TCERG1L: variants seen among roughly 807,000 people sequenced by gnomAD.
TCERG1L encodes the protein transcription elongation regulator 1-like protein.
In TCERG1L, 37 loss-of-function variants were observed where a neutral mutation model predicts 56.3. The observed-to-expected ratio is 0.66, with a 90% confidence interval of 0.51 to 0.87. The LOEUF is 0.87. Among genes scored for constraint, TCERG1L ranks in the 40% least tolerant of loss-of-function variants. The pLI is 0.00. For missense variants in TCERG1L, 799 were observed against 774.2 expected (o/e 1.03, Z -0.38); for synonymous variants, 324 against 326.3 (o/e 0.99, Z 0.08).
At chr10:131,291,397 ATTTCTTTTTTT>A (rs1846621707) in intron 3 of TCERG1L, among the ~76,000 whole-genome samples, 3 of 60,186 alleles carry the variant, frequency 5.0e-5, no homozygotes, top group East Asian at 9.4e-4. Flanking sequence ...CATAAACAGC[ATTTCTTTTTTT>A]TTTTTTTTTT....
Position 131,295,943 on chromosome 10 carries a change from C to T in TCERG1L, c.670+12268G>A, listed in dbSNP as rs1023390956. On this transcript the variant is annotated intron_variant, in intron 3 of 11. Transcript: ENST00000368642. ...TGATGTGTCTGGTCATATATTTTGTCCATTTCTGTTGGATTTTTTTTTCTT... is the reference window on the plus strand; with the variant it reads ...TGATGTGTCTGGTCATATATTTTGTTCATTTCTGTTGGATTTTTTTTTCTT... Among the ~76,000 whole-genome samples, 20 of 152,032 alleles carry T rather than the reference C, an allele frequency of 1.3e-4. 1 individual carries two copies. The highest frequency in any genetic ancestry group is 1.4e-4 in the African/African-American group (6 of 41,394).
chr10:131,271,587 C>CA (rs896217383), intron 3 of TCERG1L, among the ~76,000 whole-genome samples: 3 of 152,224 alleles, frequency 2.0e-5, no homozygotes, highest in African/African-American at 7.2e-5. Context: ...GAAGACTTGT[C>CA]AAAGACTAAG....
intron 5 of TCERG1L, among the ~76,000 whole-genome samples, chr10:131,165,284 C>A (rs1270112946): frequency 2.0e-5 from 3 of 152,178 alleles, no homozygotes; most frequent in Non-Finnish European, 4.4e-5. Context: ...CTCGCACAGT[C>A]TCCAGCGTGA....
rs1845421813 is a variant in TCERG1L, at chr10:131,112,513, T to C, written c.1395+4286A>G. ...TCTTCCCTTTCAACCTGCCCCACTC[T>C]GCGGCCCTCTTCTCCTGGCCTCTGG... On this transcript the variant is annotated intron_variant, in intron 9 of 11. Transcript: ENST00000368642. 1.4e-5 allele frequency among the ~76,000 whole-genome samples: 2 copies of C among 142,338 alleles called. 1 individual carries two copies. The highest frequency in any genetic ancestry group is 4.9e-5 in the African/African-American group (2 of 40,410). The allele number at this position is 142,338 out of a possible 152,430, so 93.4% of individuals were successfully genotyped here.
At chr10:131,150,895 A>G (rs11017763) in intron 6 of TCERG1L, among the ~76,000 whole-genome samples, 93,958 of 152,086 alleles carry the variant, frequency 0.62, 29,913 homozygotes, top group Non-Finnish European at 0.69. Flanking sequence ...CAATCATGGC[A>G]GAAGGCACCT....
intron 3 of TCERG1L, among the ~76,000 whole-genome samples, chr10:131,307,365 T>C (rs551982402): frequency 6.6e-6 from 1 of 152,320 alleles, no homozygotes; most frequent in African/African-American, 2.4e-5. Context: ...ACAAAATAAA[T>C]ATATCTCCTA....
intron 6 of TCERG1L, among the ~76,000 whole-genome samples, chr10:131,153,928 G>A (rs1845892979): frequency 6.6e-6 from 1 of 152,162 alleles, no homozygotes; most frequent in Non-Finnish European, 1.5e-5. Context: ...AGCGGGTATG[G>A]AGTTGAACCA....
intron 4 of TCERG1L, among the ~76,000 whole-genome samples, chr10:131,221,121 C>G (rs572561818): frequency 1.3e-5 from 2 of 152,332 alleles, no homozygotes; most frequent in African/African-American, 2.4e-5. Context: ...ACGCCTGCCC[C>G]CAAGGATCTG....
chr10:131,120,538 T>C (rs971326368), intron 8 of TCERG1L, among the ~76,000 whole-genome samples: 17 of 152,230 alleles, frequency 1.1e-4, no homozygotes, highest in Admixed American at 4.6e-4. Flanking sequence ...CAAGTAGTTG[T>C]TGGCTCCAGG....
In TCERG1L at chr10:131,128,547, C is replaced by T. The variant is rs149793644; in HGVS notation, c.1259+5832G>A. 3.8e-3 allele frequency among the ~76,000 whole-genome samples: 584 copies of T among 152,306 alleles called. 3 individuals are homozygous for T. The highest frequency in any genetic ancestry group is 0.013 in the African/African-American group (561 of 41,564). On this transcript the variant is annotated intron_variant, in intron 8 of 11. Transcript: ENST00000368642. The stretch of plus-strand genomic sequence containing the variant: ...ACATCAGCTGTGTTTACATCCAATT[C>T]ACAGTAAGTTGGTCACCTTTCGAGG...
chr10:131,112,139 G>A (rs1845418465), intron 9 of TCERG1L, among the ~76,000 whole-genome samples: 1 of 143,190 alleles, frequency 7.0e-6, no homozygotes, highest in Admixed American at 6.8e-5. Context: ...GGCACTCCCA[G>A]TGGCCACATG....
At chr10:131,095,976 A>G (rs1222725185) in intron 11 of TCERG1L, among the ~76,000 whole-genome samples, 2 of 152,222 alleles carry the variant, frequency 1.3e-5, no homozygotes, top group African/African-American at 2.4e-5. Context: ...TAGTTTATCA[A>G]TAGAGAATGC....
intron 4 of TCERG1L, among the ~76,000 whole-genome samples, chr10:131,184,796 T>C (rs971516613): frequency 6.6e-6 from 1 of 152,168 alleles, no homozygotes; most frequent in African/African-American, 2.4e-5. Flanking sequence ...GAGGAGGCTG[T>C]GGGCCCTCTT....
chr10:131,297,178 C>T (rs1846704160), intron 3 of TCERG1L, among the ~76,000 whole-genome samples: 1 of 152,154 alleles, frequency 6.6e-6, no homozygotes, highest in Admixed American at 6.5e-5. Flanking sequence ...TTCAGTTTGA[C>T]GTTAGTGGTA....
At chr10:131,246,367 T>G (rs1166085009) in intron 4 of TCERG1L, among the ~76,000 whole-genome samples, 1 of 151,932 alleles carries the variant, frequency 6.6e-6, no homozygotes, top group East Asian at 1.9e-4. Flanking sequence ...GGCAGGTGTG[T>G]GCTGGAGAGG....
intron 5 of TCERG1L, among the ~76,000 whole-genome samples, chr10:131,164,454 AAG>A (rs945480202): frequency 6.6e-6 from 1 of 152,216 alleles, no homozygotes; most frequent in African/African-American, 2.4e-5. Flanking sequence ...ATATATCACA[AAG>A]AGAAATAAAA....
At chr10:131,174,978 C>G (rs1564807579) in intron 4 of TCERG1L, among the ~76,000 whole-genome samples, 4 of 152,304 alleles carry the variant, frequency 2.6e-5, no homozygotes, top group Admixed American at 2.6e-4. Context: ...GACCCCACCC[C>G]CGCAATTGGT....
intron 4 of TCERG1L, among the ~76,000 whole-genome samples, chr10:131,199,600 G>A (rs950908475): frequency 2.0e-5 from 3 of 152,068 alleles, no homozygotes; most frequent in African/African-American, 7.2e-5. Flanking sequence ...AAAGTAACAG[G>A]CCTGTTAAAT....
At chr10:131,098,109 G>A (rs1012601403) in intron 11 of TCERG1L, among the ~76,000 whole-genome samples, 197 bp downstream of exon 11, 1 of 152,170 alleles carries the variant, frequency 6.6e-6, no homozygotes, top group Non-Finnish European at 1.5e-5. Context: ...CTGATGAGAG[G>A]GACATTTGGA....
Sources: gnomAD v4.1 joint callset for allele counts (sites outside exome capture counted in the v4.1 genomes callset) on GRCh38, gnomAD v4.1.1 for gene constraint, MANE v1.5 for transcripts, NCBI Gene and HGNC (gene_info 2026-07-23, HGNC 2026-07-21) for gene names.